The following SMAP1 variants were observed in gnomAD, a reference collection of about 807,000 sequenced individuals.
SMAP1 encodes stromal membrane-associated protein 1.
SMAP1 carries 24 observed loss-of-function variants against 58.5 expected under a neutral mutation model. That is an observed-to-expected ratio of 0.41 (90% CI 0.30 to 0.58). SMAP1 has a LOEUF of 0.58. Ranked by LOEUF, SMAP1 falls within the 20% of genes least tolerant of loss-of-function variation. The pLI, the probability that SMAP1 is intolerant of heterozygous loss-of-function variation, is 0.29. For missense variants in SMAP1, 563 were observed against 566.3 expected (o/e 0.99, Z 0.06); for synonymous variants, 216 against 196.6 (o/e 1.10, Z -0.82).
At chr6:70,847,234 CTT>C (rs1460383542) in intron 7 of SMAP1, among the ~76,000 whole-genome samples, 4 of 152,262 alleles carry the variant, frequency 2.6e-5, no homozygotes, top group South Asian at 2.1e-4. Flanking sequence ...GCCCTCATGA[CTT>C]TGTCATATTT....
intron 1 of SMAP1, among the ~76,000 whole-genome samples, chr6:70,713,940 GT>G (rs1481586612): frequency 6.6e-6 from 1 of 152,020 alleles, no homozygotes; most frequent in Non-Finnish European, 1.5e-5. Context: ...GTGTGTATTT[GT>G]TTACAATTGT....
intron 3 of SMAP1, among the ~76,000 whole-genome samples, chr6:70,758,769 A>T (rs1766623708): frequency 6.6e-6 from 1 of 152,100 alleles, no homozygotes; most frequent in African/African-American, 2.4e-5. Flanking sequence ...CTACATTAAG[A>T]TTGGCTTTGG....
rs182080927 is a variant in SMAP1, at chr6:70,804,013, G to A, written c.576+5276G>A. ...AGATGTCTTATTAGGTCCACTTGGT[G>A]CAGAGATGAGTTCAAGTCCTGGATA... On this transcript the variant is annotated intron_variant, in intron 6 of 10. Coordinates refer to ENST00000370455, the MANE Select transcript of SMAP1 (RefSeq NM_001044305.3). 1.5e-4 allele frequency among the ~76,000 whole-genome samples: 23 copies of A among 152,292 alleles called. 1 individual carries two copies. Among genetic ancestry groups the A allele is most frequent in the South Asian group, 4.1e-4 (2 of 4,826 alleles).
chr6:70,790,118 T>C (rs1768278379), intron 4 of SMAP1, among the ~76,000 whole-genome samples: 1 of 152,192 alleles, frequency 6.6e-6, no homozygotes, highest in East Asian at 1.9e-4. Flanking sequence ...TCTTCTAAAG[T>C]GATCGTACGG....
intron 1 of SMAP1, among the ~76,000 whole-genome samples, chr6:70,686,406 G>A (rs537468104): frequency 5.5e-4 from 84 of 152,220 alleles, no homozygotes; most frequent in African/African-American, 1.8e-3. Flanking sequence ...GTTTCGCAGC[G>A]GAAGGAATGT....
chr6:70,796,605 T>G (rs182101137), intron 5 of SMAP1, among the ~76,000 whole-genome samples: 1 of 152,332 alleles, frequency 6.6e-6, no homozygotes, highest in Admixed American at 6.5e-5. Flanking sequence ...TAGTTATCCT[T>G]AAAGGGTTAC....
chr6:70,807,125 A>G (rs192679144), intron 6 of SMAP1, among the ~76,000 whole-genome samples: 88 of 152,304 alleles, frequency 5.8e-4, no homozygotes, highest in African/African-American at 2.0e-3. Context: ...AATAACTTTC[A>G]TTGATTTGTG....
At chr6:70,807,715 A>C (rs570055740) in intron 6 of SMAP1, among the ~76,000 whole-genome samples, 1 of 152,318 alleles carries the variant, frequency 6.6e-6, no homozygotes, top group Admixed American at 6.5e-5. Flanking sequence ...TGGGAAAAGA[A>C]GTTAAGCCTT....
At chr6:70,729,777 C>T (rs1334484717) in intron 1 of SMAP1, among the ~76,000 whole-genome samples, 1 of 151,978 alleles carries the variant, frequency 6.6e-6, no homozygotes, top group Non-Finnish European at 1.5e-5. Context: ...TTTATCAGTC[C>T]CTTAATTACG....
intron 1 of SMAP1, among the ~76,000 whole-genome samples, chr6:70,713,856 T>C (rs538502875): frequency 2.3e-4 from 35 of 152,344 alleles, no homozygotes; most frequent in African/African-American, 8.2e-4. Flanking sequence ...CACCTACTAT[T>C]ACTGTATTGC....
At chr6:70,711,490 T>G (rs974372196) in intron 1 of SMAP1, among the ~76,000 whole-genome samples, 1 of 152,174 alleles carries the variant, frequency 6.6e-6, no homozygotes, top group African/African-American at 2.4e-5. Context: ...ATGTTGATTT[T>G]GTGTTTTACT....
chr6:70,857,917 T>TG lies in SMAP1; in HGVS notation c.962-4dup, dbSNP rs779966816. Reference sequence around the variant, plus strand: ...GTCTTCATTCATTTTCTTTTTGTGGTGCAGGTGTATTTATGGGACCCACAA... The same window carrying TG: ...GTCTTCATTCATTTTCTTTTTGTGGTGGCAGGTGTATTTATGGGACCCACAA... On this transcript the variant is annotated splice_polypyrimidine_tract_variant and splice_region_variant and intron_variant, in intron 9 of 10. Coordinates refer to ENST00000370455, the MANE Select transcript of SMAP1 (RefSeq NM_001044305.3). The TG allele has an allele frequency of 4.3e-6, 7 of 1,613,254 alleles. No homozygotes were observed. In the South Asian group the frequency reaches 7.7e-5, roughly 18 times the overall value.
chr6:70,726,895 G>A (rs960562350), intron 1 of SMAP1, among the ~76,000 whole-genome samples: 5 of 151,370 alleles, frequency 3.3e-5, no homozygotes, highest in East Asian at 1.9e-4. Flanking sequence ...GTGTGTGTGT[G>A]TGTGTGTGTG....
intron 10 of SMAP1, chr6:70,859,852 C>CTAT (rs940803098): frequency 5.3e-6 from 1 of 190,284 alleles, no homozygotes; most frequent in Non-Finnish European, 1.1e-5. Context: ...TAATTTTAGA[C>CTAT]TATTTTACTT....
At chr6:70,702,024 G>C (rs1767649686) in intron 1 of SMAP1, among the ~76,000 whole-genome samples, 1 of 152,114 alleles carries the variant, frequency 6.6e-6, no homozygotes, top group South Asian at 2.1e-4. Flanking sequence ...TTTACTTTCA[G>C]TACTTTTAAG....
intron 6 of SMAP1, among the ~76,000 whole-genome samples, chr6:70,818,293 C>A (rs1769732796): frequency 6.6e-6 from 1 of 151,620 alleles, no homozygotes; most frequent in Non-Finnish European, 1.5e-5. Flanking sequence ...GTAATCCCAG[C>A]TACTCAGGAG....
chr6:70,789,233 A>G (rs6908248), intron 4 of SMAP1, among the ~76,000 whole-genome samples: 2 of 152,152 alleles, frequency 1.3e-5, no homozygotes, highest in Non-Finnish European at 2.9e-5. Context: ...TAAGGTACAG[A>G]TCAATGAATT....
intron 1 of SMAP1, among the ~76,000 whole-genome samples, chr6:70,671,582 A>G (rs894752353): frequency 1.3e-5 from 2 of 152,114 alleles, no homozygotes; most frequent in African/African-American, 4.8e-5. Context: ...CGTCTCAGGG[A>G]AAAACAAAAA....
At chr6:70,781,708 T>C (rs1255507932) in intron 4 of SMAP1, among the ~76,000 whole-genome samples, 1 of 152,224 alleles carries the variant, frequency 6.6e-6, no homozygotes, top group African/African-American at 2.4e-5. Flanking sequence ...GTAGCAAATA[T>C]TTCAAAAAAT....
Sources: gnomAD v4.1 joint callset for allele counts (sites outside exome capture counted in the v4.1 genomes callset) on GRCh38, gnomAD v4.1.1 for gene constraint, MANE v1.5 for transcripts, NCBI Gene and HGNC (gene_info 2026-07-23, HGNC 2026-07-21) for gene names.